The following BBC3 variants were observed in gnomAD, a reference collection of about 807,000 sequenced individuals.
BBC3 encodes the protein bcl-2-binding component 3.
In BBC3, 5 loss-of-function variants were observed where a neutral mutation model predicts 18.2. That is an observed-to-expected ratio of 0.27 (90% CI 0.14 to 0.58). The LOEUF is 0.58. Among genes scored for constraint, BBC3 ranks in the 20% least tolerant of loss-of-function variants. BBC3 has a pLI of 0.91. For missense variants in BBC3, 224 were observed against 268.9 expected (o/e 0.83, Z 1.17); for synonymous variants, 119 against 128.0 (o/e 0.93, Z 0.47).
upstream of BBC3, chr19:47,232,581 C>T: frequency 6.5e-7 from 1 of 1,540,384 alleles, no homozygotes; most frequent in Non-Finnish European, 8.8e-7. Context: ...CATGCCTGGG[C>T]AGACCCCATG....
chr19:47,230,895 G>T lies in BBC3; in HGVS notation c.-16+34C>A, dbSNP rs2058905714. The stretch of plus-strand genomic sequence containing the variant: ...GGGAGTCCACCCGGCCTGGCCGATC[G>T]CCGCCGGAGAGGATTCGGGGCGCGC... On this transcript the variant is annotated intron_variant, in intron 1 of 3. Coordinates refer to ENST00000439096, the MANE Select transcript of BBC3 (RefSeq NM_014417.5). The surrounding 1 kb of genome is among the most constrained non-coding windows in gnomAD (Gnocchi z 6.7). 1 of 982,252 alleles carries T rather than the reference G, an allele frequency of 1.0e-6. No individual in the cohort carries two copies. The highest frequency in any genetic ancestry group is 1.2e-6 in the Non-Finnish European group (1 of 827,174). 60.8% of individuals were successfully genotyped at this position (982,252 alleles called of 1,614,324 possible).
chr19:47,228,403 G>A lies in BBC3; in HGVS notation c.29C>T (p.Ser10Phe). The A allele has an allele frequency of 1.6e-6, 2 of 1,231,978 alleles. No individual in the cohort carries two copies. Among genetic ancestry groups the A allele is most frequent in the Non-Finnish European group, 2.0e-6 (2 of 988,120 alleles). The allele number at this position is 1,231,978 out of a possible 1,614,324, so 76.3% of individuals were successfully genotyped here. ...GGCCAGGCCCTCTACGGGCTCCGGG[G>A]AGCTGCCCTCCTGGCGTGCGCGGGC... MARARQEGS[S>F]PEPVEGLARD... The change falls in exon 2 of 4, where the codon TCC becomes TTC. Residue 10 changes from serine (S) to phenylalanine (F), a missense_variant. Transcript: ENST00000439096. The surrounding 1 kb of genome is among the most constrained non-coding windows in gnomAD (Gnocchi z 5.5).
rs933639088 is a variant in BBC3, at chr19:47,226,068, G to A, written c.465+496C>T. Among the ~76,000 whole-genome samples, 3 of 152,080 alleles carry A rather than the reference G, an allele frequency of 2.0e-5. No individual in the cohort carries two copies. In the East Asian group the frequency reaches 5.8e-4, roughly 29 times the overall value. The stretch of plus-strand genomic sequence containing the variant: ...ATATTTGTTTTAAAAAATCGAGGCC[G>A]TGCCAGGGGCTGGGGGGCGGGGCCT... On this transcript the variant is annotated intron_variant, in intron 3 of 3. Coordinates refer to ENST00000439096, the MANE Select transcript of BBC3 (RefSeq NM_014417.5).
chr19:47,223,181 G>GC (rs2058771524), intron 3 of BBC3, among the ~76,000 whole-genome samples: 1 of 151,978 alleles, frequency 6.6e-6, no homozygotes, highest in South Asian at 2.1e-4. Flanking sequence ...TGAGGCAGGA[G>GC]AATGGCGTGA....
chr19:47,227,190 T>C (rs1480114724), intron 2 of BBC3: 2 of 154,536 alleles, frequency 1.3e-5, no homozygotes, highest in Admixed American at 6.5e-5. Context: ...TGCCCTCTCG[T>C]GTCCAACCAC....
At position 47,221,852 on chromosome 19, in the gene BBC3, G is replaced by A. The variant is rs200523681; in HGVS notation, c.532C>T (p.Leu178Phe). The A allele has an allele frequency of 1.9e-6, 3 of 1,613,868 alleles. No homozygotes were observed. The highest frequency in any genetic ancestry group is 2.2e-5 in the East Asian group (1 of 44,866). The stretch of plus-strand genomic sequence containing the variant: ...CTGTGGCCCCTGGGTAAGGGCAGGA[G>A]TCCCATGATGAGATTGTACAGGACC... ...WRVLYNLIMG[L>F]LPLPRGHRAP... Residue 178 changes from leucine (L) to phenylalanine (F), a missense_variant, in exon 4 of 4, where the codon CTC becomes TTC. Coordinates refer to ENST00000439096, the MANE Select transcript of BBC3 (RefSeq NM_014417.5).
At position 47,230,059 on chromosome 19, in the gene BBC3, A is replaced by C. The variant is rs1600252779; in HGVS notation, c.-16+870T>G. On this transcript the variant is annotated intron_variant, in intron 1 of 3. Coordinates refer to ENST00000439096, the MANE Select transcript of BBC3 (RefSeq NM_014417.5). The surrounding 1 kb of genome is among the most constrained non-coding windows in gnomAD (Gnocchi z 6.7). ...ACTCCAGCAACACACACACACTACA[A>C]CCTCCACACCCCAGCACACGCAGGC... Among the ~76,000 whole-genome samples, 1 of 151,148 alleles carries C rather than the reference A, an allele frequency of 6.6e-6. No individual in the cohort carries two copies. Among genetic ancestry groups the C allele is most frequent in the East Asian group, 1.9e-4 (1 of 5,134 alleles).
rs2058859178 is a variant in BBC3, at chr19:47,228,075, T to G, written c.274+83A>C. 1 of 1,100,054 alleles carries G rather than the reference T, an allele frequency of 9.1e-7. No individual in the cohort carries two copies. Among genetic ancestry groups the G allele is most frequent in the African/African-American group, 1.6e-5 (1 of 61,138 alleles). 68.1% of individuals were successfully genotyped at this position (1,100,054 alleles called of 1,614,324 possible). ...CTGGGCCCGCCACCTCCCCCCGTCCTCTCCCACTTCTCCAGTTCCTCCGAG... is the reference window on the plus strand; with the variant it reads ...CTGGGCCCGCCACCTCCCCCCGTCCGCTCCCACTTCTCCAGTTCCTCCGAG... On this transcript the variant is annotated intron_variant, in intron 2 of 3. Transcript: ENST00000439096. This position sits in a 1 kb window ranked among gnomAD's most constrained non-coding sequence, Gnocchi z 5.5.
rs1006293750 is a variant in BBC3 at position 47,230,349 on chromosome 19, C to T, written c.-16+580G>A. On this transcript the variant is annotated intron_variant, in intron 1 of 3. Transcript: ENST00000439096. This position sits in a 1 kb window ranked among gnomAD's most constrained non-coding sequence, Gnocchi z 6.7. ...CGAGACACCTGCAGATCCACAACCC[C>T]GCACACGCGCGCTCCCACGGCGGTC... Among the ~76,000 whole-genome samples the T allele has an allele frequency of 6.6e-6, 1 of 152,016 alleles. No homozygotes were observed. The highest frequency in any genetic ancestry group is 2.1e-4 in the South Asian group (1 of 4,832).
chr19:47,221,835 C>A lies in BBC3; in HGVS notation c.549G>T (p.Arg183Ser), dbSNP rs772104737. ...NLIMGLLPLPRGHRAPEMEPN is the reference protein window; with the variant it reads ...NLIMGLLPLPSGHRAPEMEPN ...GCTCCATCTCGGGGGCTCTGTGGCC[C>A]CTGGGTAAGGGCAGGAGTCCCATGA... Residue 183 changes from arginine to serine, a missense_variant, in exon 4 of 4, where the codon AGG (arginine) becomes AGT (serine). By Grantham distance (110) the Arg-to-Ser change is moderately radical (BLOSUM62 -1). Transcript: ENST00000439096. The A allele has an allele frequency of 5.0e-6, 8 of 1,613,634 alleles. No individual in the cohort carries two copies. The South Asian group carries it at 6.6e-5, about 13-fold the overall frequency.
chr19:47,221,433 C>CCG lies in BBC3; in HGVS notation c.*368_*369insCG, dbSNP rs1555798913. 723 of 254,462 alleles carry CCG rather than the reference C, an allele frequency of 2.8e-3. 75 individuals are homozygous for CCG. In the Admixed American group the frequency reaches 0.036, roughly 13 times the overall value. The allele number at this position is 254,462 out of a possible 1,614,324, so 15.8% of individuals were successfully genotyped here. The stretch of plus-strand genomic sequence containing the variant: ...AGGAGCACCGAGAGGAGAGCCCCCC[C>CCG]CTCCCAGTGTCACCCCTGCAGCTGG... On this transcript the variant is annotated 3_prime_UTR_variant, in exon 4 of 4. Transcript: ENST00000439096.
chr19:47,231,478 CG>C (rs1164945286), upstream of BBC3, among the ~76,000 whole-genome samples: 2 of 152,092 alleles, frequency 1.3e-5, no homozygotes, highest in African/African-American at 2.4e-5. The surrounding 1 kb of genome is among the most constrained non-coding windows in gnomAD (Gnocchi z 4.0). Context: ...CCGGGACAGT[CG>C]GACACACACA....
chr19:47,227,960 C>A (rs1466398040), intron 2 of BBC3, among the ~76,000 whole-genome samples, 198 bp downstream of exon 2: 1 of 152,098 alleles, frequency 6.6e-6, no homozygotes, highest in East Asian at 1.9e-4. Flanking sequence ...GAGGGACTTC[C>A]CACTTGACCT....
chr19:47,227,662 C>A (rs985517615), intron 2 of BBC3, among the ~76,000 whole-genome samples: 1 of 152,138 alleles, frequency 6.6e-6, no homozygotes, highest in African/African-American at 2.4e-5. Flanking sequence ...TCCCCCACCT[C>A]CCCGAGGGGA....
Position 47,230,591 on chromosome 19 carries a change from C to T in BBC3, c.-16+338G>A, listed in dbSNP as rs1056250091. On this transcript the variant is annotated intron_variant, in intron 1 of 3. Coordinates refer to ENST00000439096, the MANE Select transcript of BBC3 (RefSeq NM_014417.5). This position sits in a 1 kb window ranked among gnomAD's most constrained non-coding sequence, Gnocchi z 6.7. Reference sequence around the variant, plus strand: ...CCGCCCCTCCGTGCCGCCCCCCCGCCCCTCCCGGACTTTGGGGGCTGGGGC... The same window carrying T: ...CCGCCCCTCCGTGCCGCCCCCCCGCTCCTCCCGGACTTTGGGGGCTGGGGC... Among the ~76,000 whole-genome samples the T allele has an allele frequency of 1.3e-5, 2 of 151,750 alleles. No homozygotes were observed. The highest frequency in any genetic ancestry group is 1.3e-4 in the Admixed American group (2 of 15,242).
chr19:47,232,565 C>T (rs556200289), upstream of BBC3: 3 of 1,548,510 alleles, frequency 1.9e-6, no homozygotes, highest in South Asian at 2.4e-5. Context: ...GGGCACCTGG[C>T]ATGGACATGC....
intron 3 of BBC3, chr19:47,222,366 T>G (rs1456651713): frequency 6.5e-6 from 1 of 154,172 alleles, no homozygotes; most frequent in African/African-American, 2.4e-5. Context: ...TTGCAGAGGC[T>G]TCAACAGAAG....
chr19:47,221,637 G>T lies in BBC3; in HGVS notation c.*165C>A, dbSNP rs1310781593. 2.5e-5 allele frequency: 36 copies of T among 1,419,228 alleles called. No homozygotes were observed. Among genetic ancestry groups the T allele is most frequent in the African/African-American group, 1.5e-5 (1 of 68,330 alleles). 87.9% of individuals were successfully genotyped at this position (1,419,228 alleles called of 1,614,324 possible). On this transcript the variant is annotated 3_prime_UTR_variant, in exon 4 of 4. Transcript: ENST00000439096. ...ATCTCCGTCAGTGCACCCCAGGCTG[G>T]GCTGGGGCTGGAGTGGCTGCCCCGG...
chr19:47,232,182 T>C (rs1284657405), upstream of BBC3, among the ~76,000 whole-genome samples: 1 of 152,036 alleles, frequency 6.6e-6, no homozygotes, highest in Admixed American at 6.6e-5. Flanking sequence ...TGAAACCCCA[T>C]CTCTACTAAA....
Sources: gnomAD v4.1 joint callset for allele counts (sites outside exome capture counted in the v4.1 genomes callset) on GRCh38, gnomAD v4.1.1 for gene constraint, Gnocchi (gnomAD v3.1) non-coding constraint, MANE v1.5 for transcripts, NCBI Gene and HGNC (gene_info 2026-07-23, HGNC 2026-07-21) for gene names.